The following CERS3 variants were observed in gnomAD, a reference collection of about 807,000 sequenced individuals.
CERS3 encodes LAG1 homolog, ceramide synthase 3.
CERS3 carries 33 observed loss-of-function variants against 50.3 expected under a neutral mutation model. The observed-to-expected ratio is 0.66, with a 90% CI of 0.50 to 0.88. CERS3 has a LOEUF of 0.88. Ranked by LOEUF, CERS3 falls within the 40% of genes least tolerant of loss-of-function variation. CERS3 has a pLI of 0.00. For missense variants in CERS3, 470 were observed against 460.3 expected, an observed-to-expected ratio of 1.02 and a Z score of -0.19; for synonymous variants, 176 against 155.2, an observed-to-expected ratio of 1.13 and a Z score of -0.99.
intron 10 of CERS3, among the ~76,000 whole-genome samples, chr15:100,467,666 G>A (rs1235303973): frequency 6.6e-6 from 1 of 151,396 alleles, no homozygotes; most frequent in African/African-American, 2.4e-5. Flanking sequence ...TGGATTGATA[G>A]TGTCATGAAA....
At chr15:100,492,687 C>T (rs2035689130) in intron 3 of CERS3, among the ~76,000 whole-genome samples, 2 of 152,140 alleles carry the variant, frequency 1.3e-5, no homozygotes, top group Admixed American at 6.5e-5. Flanking sequence ...AATCCATTTA[C>T]ATTTAAAGTA....
At chr15:100,456,114 CAAAT>C in intron 10 of CERS3, 68 bp from the exon 11 acceptor site, 6 of 1,264,942 alleles carry the variant, frequency 4.7e-6, no homozygotes, top group Non-Finnish European at 5.3e-6. Flanking sequence ...AATAATAAAA[CAAAT>C]AGTTTTTCTC....
rs2033005434 is a variant in CERS3, at chr15:100,429,542, T to A, written c.999+26351A>T. ...TTCACTATCTGCTTCCTTTCATATT[T>A]GGGGCTGATCTCTGCCTCCCTGGAG... is the stretch of plus-strand genomic sequence containing the variant. On this transcript the variant is annotated intron_variant, in intron 11 of 11. Transcript: ENST00000679737. Among the ~76,000 whole-genome samples the A allele has an allele frequency of 2.0e-5, 3 of 152,298 alleles. No homozygotes were observed. In the South Asian group the frequency reaches 6.2e-4, roughly 32 times the overall value.
intron 10 of CERS3, among the ~76,000 whole-genome samples, chr15:100,465,875 T>C (rs2034698082): frequency 6.6e-6 from 1 of 152,154 alleles, no homozygotes; most frequent in Non-Finnish European, 1.5e-5. Context: ...ACCAGGCTGG[T>C]CTCGAACTCC....
chr15:100,407,847 TTTTATTTA>T (rs924332396), intron 11 of CERS3, among the ~76,000 whole-genome samples: 1 of 152,138 alleles, frequency 6.6e-6, no homozygotes, highest in Non-Finnish European at 1.5e-5. Context: ...TGCAACACCA[TTTTATTTA>T]TTTATTTATT....
rs2034894825 is a variant in CERS3, at chr15:100,469,490, A to G, written c.739-6T>C. On this transcript the variant is annotated splice_polypyrimidine_tract_variant and splice_region_variant and intron_variant, in intron 9 of 11. Transcript: ENST00000679737. ...TAAGAAAACATCTTAGCAGACTGCA[A>G]AAAAGAAAGAAACTGCAGATAAAGT... The G allele has an allele frequency of 6.3e-7, 1 of 1,583,358 alleles. No individual in the cohort carries two copies. The highest frequency in any genetic ancestry group is 1.4e-5 in the African/African-American group (1 of 73,698).
intron 2 of CERS3, among the ~76,000 whole-genome samples, chr15:100,509,733 G>C (rs1287358094): frequency 1.3e-5 from 2 of 152,152 alleles, no homozygotes; most frequent in East Asian, 3.9e-4. Flanking sequence ...TGTAACAAAA[G>C]GACCTTCTCT....
At chr15:100,458,651 A>G (rs1429300107) in intron 10 of CERS3, among the ~76,000 whole-genome samples, 2 of 152,170 alleles carry the variant, frequency 1.3e-5, no homozygotes, top group Non-Finnish European at 2.9e-5. Flanking sequence ...AGAAAAATAT[A>G]TAGAGGTTAA....
At chr15:100,515,715 T>C (rs1029128765) in intron 2 of CERS3, among the ~76,000 whole-genome samples, 5 of 152,190 alleles carry the variant, frequency 3.3e-5, no homozygotes, top group African/African-American at 2.4e-5. Flanking sequence ...ATGAGATTGA[T>C]AGTTCTGTTT....
At chr15:100,462,666 C>A (rs2034588641) in intron 10 of CERS3, among the ~76,000 whole-genome samples, 1 of 152,188 alleles carries the variant, frequency 6.6e-6, no homozygotes, top group Admixed American at 6.5e-5. Flanking sequence ...TCTTCCATAA[C>A]CAGCTATGTG....
chr15:100,423,902 T>A (rs2032635049), intron 11 of CERS3, among the ~76,000 whole-genome samples: 1 of 151,894 alleles, frequency 6.6e-6, no homozygotes, highest in Non-Finnish European at 1.5e-5. Context: ...TTAATTAAAT[T>A]TTTTTCTCCA....
intron 3 of CERS3, among the ~76,000 whole-genome samples, chr15:100,491,738 C>G (rs1335641212): frequency 6.6e-6 from 1 of 151,990 alleles, no homozygotes; most frequent in Non-Finnish European, 1.5e-5. Flanking sequence ...TTGCTGTATT[C>G]TATTAAGTTT....
intron 10 of CERS3, among the ~76,000 whole-genome samples, chr15:100,461,742 G>A (rs535857634): frequency 1.3e-5 from 2 of 152,250 alleles, no homozygotes; most frequent in South Asian, 4.1e-4. Context: ...GGAAGAGGAG[G>A]AGTCCACTTT....
rs147252829 is a variant in CERS3 at position 100,448,246 on chromosome 15, C to T, written c.999+7647G>A. Among the ~76,000 whole-genome samples the T allele has an allele frequency of 9.0e-3, 1,366 of 152,220 alleles. 24 individuals are homozygous for T. The highest frequency in any genetic ancestry group is 0.049 in the Admixed American group (754 of 15,290). On this transcript the variant is annotated intron_variant, in intron 11 of 11. Coordinates refer to ENST00000679737, the MANE Select transcript of CERS3 (RefSeq NM_001378789.1). ...GTACATGCCTCCTCCACAGAGGAAC[C>T]AAATAGCGAGTAGATAATCACACTT...
At chr15:100,492,895 T>A (rs1253478991) in intron 3 of CERS3, among the ~76,000 whole-genome samples, 1 of 152,182 alleles carries the variant, frequency 6.6e-6, no homozygotes, top group Admixed American at 6.5e-5. Flanking sequence ...TTGGGGATTA[T>A]AATTGACATA....
At chr15:100,493,678 A>G (rs1436589850) in intron 3 of CERS3, among the ~76,000 whole-genome samples, 1 of 152,096 alleles carries the variant, frequency 6.6e-6, no homozygotes, top group African/African-American at 2.4e-5. Flanking sequence ...GTTGGTATTC[A>G]AGTCTCTAAG....
intron 10 of CERS3, among the ~76,000 whole-genome samples, chr15:100,466,718 TTCTTA>T (rs1391571185): frequency 1.3e-4 from 20 of 151,264 alleles, no homozygotes; most frequent in Non-Finnish European, 2.9e-4. Context: ...CCAGCTGATT[TTCTTA>T]TCTTCTTTCC....
At chr15:100,467,322 A>T (rs143401028) in intron 10 of CERS3, among the ~76,000 whole-genome samples, 199 of 151,576 alleles carry the variant, frequency 1.3e-3, no homozygotes, top group African/African-American at 4.5e-3. Context: ...TAATTAATAA[A>T]TGTTGTTGTC....
chr15:100,416,199 C>G (rs950189031), intron 11 of CERS3, among the ~76,000 whole-genome samples: 6 of 152,086 alleles, frequency 3.9e-5, no homozygotes, highest in Admixed American at 3.9e-4. Flanking sequence ...GCAAAATGAA[C>G]AAAGCCAGAG....
Sources: allele counts gnomAD v4.1 joint callset (sites outside exome capture counted in the v4.1 genomes callset), GRCh38; gene constraint gnomAD v4.1.1; transcripts MANE v1.5; gene names NCBI Gene and HGNC (gene_info 2026-07-23, HGNC 2026-07-21).